NUP155: variants seen among roughly 807,000 people sequenced by gnomAD.
NUP155 encodes the protein nucleoporin 155.
Under a neutral mutation model 180.4 loss-of-function variants are expected in NUP155, and 71 were observed. The observed-to-expected ratio is 0.39, with a 90% CI of 0.33 to 0.48. The LOEUF (loss-of-function observed/expected upper bound fraction) is 0.48, where lower values mean the gene tolerates loss of function less well. Ranked by LOEUF, NUP155 falls within the 20% of genes least tolerant of loss-of-function variation. NUP155 has a pLI of 0.91. For synonymous variants in NUP155, 582 were observed against 559.5 expected (o/e 1.04, Z -0.57); for missense variants, 1,553 against 1,648.9 (o/e 0.94, Z 1.01).
intron 21 of NUP155, among the ~76,000 whole-genome samples, chr5:37,315,342 A>G (rs1184945340): frequency 6.6e-6 from 1 of 152,250 alleles, no homozygotes; most frequent in Non-Finnish European, 1.5e-5. Context: ...AGTTCATGCA[A>G]TAACTTATTA....
chr5:37,357,924 C>A (rs749973009), intron 4 of NUP155, among the ~76,000 whole-genome samples, 157 bp downstream of exon 4: 1 of 151,970 alleles, frequency 6.6e-6, no homozygotes, highest in East Asian at 1.9e-4. Context: ...ACCCAGGAGG[C>A]GGAGATTGCA....
At chr5:37,362,424 G>A (rs780249741) in intron 3 of NUP155, among the ~76,000 whole-genome samples, 4 of 151,788 alleles carry the variant, frequency 2.6e-5, no homozygotes, top group Admixed American at 6.6e-5. Context: ...GAGTAGCTGC[G>A]ATTACAGGCA....
At chr5:37,339,231 G>C (rs894884094) in intron 11 of NUP155, among the ~76,000 whole-genome samples, 1 of 150,400 alleles carries the variant, frequency 6.6e-6, no homozygotes, top group African/African-American at 2.5e-5. Flanking sequence ...AGGATTGCTT[G>C]AGCCGGGGAG....
intron 32 of NUP155, among the ~76,000 whole-genome samples, chr5:37,297,478 A>C (rs1329738108): frequency 6.6e-6 from 1 of 152,124 alleles, no homozygotes; most frequent in Non-Finnish European, 1.5e-5. Flanking sequence ...TCCCAGGCTC[A>C]AGTGATCCTC....
In NUP155 at chr5:37,309,286, A is replaced by G. The variant is rs756579116; in HGVS notation, c.2629-19T>C. 1 of 1,604,158 alleles carries G rather than the reference A, an allele frequency of 6.2e-7. No individual in the cohort carries two copies. Among genetic ancestry groups the G allele is most frequent in the Admixed American group, 1.7e-5 (1 of 59,472 alleles). On this transcript the variant is annotated intron_variant, in intron 23 of 34. Transcript: ENST00000231498. ...CATTTGCCTAGAAGAGGAGATAACAAGAACTTAAAAATATATAAAATCAAG... is the reference window on the plus strand; with the variant it reads ...CATTTGCCTAGAAGAGGAGATAACAGGAACTTAAAAATATATAAAATCAAG...
At chr5:37,327,345 A>G (rs1056315102) in intron 18 of NUP155, 2 of 402,036 alleles carry the variant, frequency 5.0e-6, no homozygotes, top group Non-Finnish European at 9.2e-6. Context: ...GACTACATGA[A>G]GGTTGAGGAA....
At chr5:37,292,190 T>A in intron 34 of NUP155, 152 bp from the exon 35 acceptor site, 1 of 747,044 alleles carries the variant, frequency 1.3e-6, no homozygotes, top group East Asian at 2.8e-5. Context: ...AAAAGAAAAC[T>A]TGGGTGTAGG....
intron 2 of NUP155, 26 bp from the exon 3 acceptor site, chr5:37,364,010 A>C (rs1269394776): frequency 1.3e-6 from 2 of 1,507,086 alleles, no homozygotes; most frequent in East Asian, 4.5e-5. Flanking sequence ...TGTAAGGCAG[A>C]CAGAGGTGAA....
At chr5:37,354,187 C>T (rs958725757) in intron 4 of NUP155, among the ~76,000 whole-genome samples, 1 of 152,194 alleles carries the variant, frequency 6.6e-6, no homozygotes, top group African/African-American at 2.4e-5. Context: ...ACTCTTGTTG[C>T]CCAGGCTGGA....
intron 12 of NUP155, among the ~76,000 whole-genome samples, chr5:37,335,294 T>C (rs1287126355): frequency 6.7e-6 from 1 of 149,168 alleles, no homozygotes; most frequent in African/African-American, 2.5e-5. Context: ...GGTAGGAGGA[T>C]TGCTTGAACC....
At chr5:37,318,958 G>A (rs768361236) in intron 20 of NUP155, among the ~76,000 whole-genome samples, 10 of 152,126 alleles carry the variant, frequency 6.6e-5, no homozygotes, top group Non-Finnish European at 1.0e-4. Flanking sequence ...AAATGTATAC[G>A]AAGATCTGAG....
chr5:37,308,745 TGGC>T (rs1743328336), intron 24 of NUP155, among the ~76,000 whole-genome samples: 1 of 150,676 alleles, frequency 6.6e-6, no homozygotes, highest in South Asian at 2.1e-4. Flanking sequence ...CTGGGCGTGG[TGGC>T]GTGCGCCTGT....
chr5:37,297,925 T>C (rs1561766077), intron 32 of NUP155, among the ~76,000 whole-genome samples: 1 of 133,848 alleles, frequency 7.5e-6, no homozygotes, highest in Non-Finnish European at 1.5e-5. Flanking sequence ...CAAGTTTGAA[T>C]GCTCATTTGA....
chr5:37,365,420 A>G (rs1747495847), intron 1 of NUP155, among the ~76,000 whole-genome samples: 1 of 151,274 alleles, frequency 6.6e-6, no homozygotes, highest in Admixed American at 6.6e-5. Context: ...ACATAAATAT[A>G]TACACCGTTG....
At chr5:37,358,758 C>T (rs1236397842) in intron 3 of NUP155, among the ~76,000 whole-genome samples, 4 of 152,130 alleles carry the variant, frequency 2.6e-5, no homozygotes, top group Non-Finnish European at 5.9e-5. Context: ...GTGGCTCACA[C>T]CTGTAAACCC....
chr5:37,320,401 C>T (rs1219040372), intron 20 of NUP155, among the ~76,000 whole-genome samples: 2 of 152,058 alleles, frequency 1.3e-5, no homozygotes, highest in African/African-American at 2.4e-5. Context: ...CGCTTGAACC[C>T]GGGAGGCGGA....
intron 4 of NUP155, among the ~76,000 whole-genome samples, chr5:37,356,624 A>T (rs556748474): frequency 6.6e-6 from 1 of 152,282 alleles, no homozygotes; most frequent in African/African-American, 2.4e-5. Context: ...TGGGCAACAG[A>T]GTGAGACTCT....
chr5:37,305,292 T>C, intron 25 of NUP155, 82 bp from the exon 26 acceptor site: 1 of 1,257,372 alleles, frequency 8.0e-7, no homozygotes, highest in South Asian at 1.2e-5. Context: ...ACGCCTGTAA[T>C]GCCAGCCATA....
chr5:37,296,467 G>A (rs545299055), intron 32 of NUP155, among the ~76,000 whole-genome samples: 137 of 151,898 alleles, frequency 9.0e-4, no homozygotes, highest in Non-Finnish European at 1.5e-3. Flanking sequence ...TTAAACAGAC[G>A]CTTGAAGGCA....
Sources: gnomAD v4.1 joint callset for allele counts (sites outside exome capture counted in the v4.1 genomes callset) on GRCh38, gnomAD v4.1.1 for gene constraint, MANE v1.5 for transcripts, NCBI Gene and HGNC (gene_info 2026-07-23, HGNC 2026-07-21) for gene names.